ZNF43: variants seen among roughly 807,000 people sequenced by gnomAD.
ZNF43 encodes zinc finger protein 39-like 1 (KOX 27).
ZNF43 carries 44 observed loss-of-function variants against 68.4 expected under a neutral mutation model. The observed-to-expected ratio is 0.64, with a 90% CI of 0.51 to 0.83. The LOEUF is 0.83. Ranked by LOEUF, ZNF43 falls within the 40% of genes least tolerant of loss-of-function variation. ZNF43 has a pLI of 0.00. For missense variants in ZNF43, 896 were observed against 933.2 expected, an observed-to-expected ratio of 0.96 and a Z score of 0.52; for synonymous variants, 308 against 307.8, an observed-to-expected ratio of 1.00 and a Z score of -0.01.
intron 1 of ZNF43, chr19:21,851,819 A>C: frequency 7.0e-7 from 1 of 1,421,956 alleles, no homozygotes; most frequent in South Asian, 1.3e-5. Flanking sequence ...AGCGACCAGG[A>C]CTCAGGAGCG....
chr19:21,832,648 C>T (rs1172101159), intron 1 of ZNF43, among the ~76,000 whole-genome samples: 2 of 152,166 alleles, frequency 1.3e-5, no homozygotes, highest in Non-Finnish European at 2.9e-5. Context: ...AGGCAGATAA[C>T]AAGGTCAGGA....
At position 21,809,569 on chromosome 19, in the gene ZNF43, A is replaced by G. The variant is rs775032313; in HGVS notation, c.468T>C (p.His156=). 2.5e-6 allele frequency: 4 copies of G among 1,611,678 alleles called. No individual in the cohort carries two copies. Among genetic ancestry groups the G allele is most frequent in the Non-Finnish European group, 3.4e-6 (4 of 1,179,148 alleles). Reference sequence around the variant, plus strand: ...TATGTCTGTTTGAATTTGAAAATTTATGAAAGGCTTTCACACATTTATCAA... The same window carrying G: ...TATGTCTGTTTGAATTTGAAAATTTGTGAAAGGCTTTCACACATTTATCAA... The part of the protein sequence containing the change: ...FLFDKCVKAF[H]KFSNSNRHKI... Residue 156 remains histidine (H), a synonymous_variant, in exon 4 of 4, where the codon CAT becomes CAC. Coordinates refer to ENST00000354959, the MANE Select transcript of ZNF43 (RefSeq NM_003423.4).
chr19:21,837,125 T>A (rs1599531376), upstream of ZNF43, among the ~76,000 whole-genome samples: 1 of 152,122 alleles, frequency 6.6e-6, no homozygotes, highest in East Asian at 1.9e-4. Flanking sequence ...CATAAGAAAT[T>A]CAAAACAAGA....
chr19:21,831,289 C>A (rs1568375424), intron 1 of ZNF43, among the ~76,000 whole-genome samples: 1 of 152,280 alleles, frequency 6.6e-6, no homozygotes, highest in East Asian at 1.9e-4. Context: ...AGTCAGACTA[C>A]TCTTGTTTGC....
In ZNF43 at chr19:21,808,389, A is replaced by T; in HGVS notation, c.1648T>A (p.Phe550Ile). Residue 550 changes from phenylalanine (F) to isoleucine (I), a missense_variant, in exon 4 of 4, where the codon TTC becomes ATC. Transcript: ENST00000354959. ...CTCTTATGTTTGGTAAGGATTGAGAAATGGTTAAAAGCTTTGCCACATTCT... is the reference window on the plus strand; with the variant it reads ...CTCTTATGTTTGGTAAGGATTGAGATATGGTTAAAAGCTTTGCCACATTCT... ...CEECGKAFNH[F>I]SILTKHKRIH... 6.2e-7 allele frequency: 1 copy of T among 1,612,428 alleles called. No homozygotes were observed. Among genetic ancestry groups the T allele is most frequent in the Non-Finnish European group, 8.5e-7 (1 of 1,179,654 alleles).
chr19:21,843,184 C>T (rs966303000), intron 1 of ZNF43: 4 of 163,704 alleles, frequency 2.4e-5, no homozygotes, highest in South Asian at 2.0e-4. Context: ...ATGCCCTCTG[C>T]GACAGCACCA....
chr19:21,838,399 ATTT>A (rs11397819), upstream of ZNF43, among the ~76,000 whole-genome samples: 3 of 132,542 alleles, frequency 2.3e-5, no homozygotes, highest in African/African-American at 8.4e-5. Flanking sequence ...CCCATTCTAA[ATTT>A]TTTTTTTTTT....
At chr19:21,829,533 A>G (rs987300633) in intron 1 of ZNF43, among the ~76,000 whole-genome samples, 2 of 152,238 alleles carry the variant, frequency 1.3e-5, no homozygotes, top group African/African-American at 4.8e-5. Context: ...TCCCAAATCA[A>G]GGATAAGCAA....
intron 3 of ZNF43, among the ~76,000 whole-genome samples, chr19:21,811,288 T>A (rs1466159587): frequency 1.3e-5 from 2 of 152,018 alleles, no homozygotes; most frequent in African/African-American, 2.4e-5. Context: ...TCCTAGCACT[T>A]TGGGAGGCCA....
chr19:21,832,528 A>G (rs1005768864), intron 1 of ZNF43, among the ~76,000 whole-genome samples: 2 of 152,186 alleles, frequency 1.3e-5, no homozygotes, highest in African/African-American at 2.4e-5. Flanking sequence ...AAATTGACAA[A>G]TGGGACCTAA....
chr19:21,813,890 A>T (rs1314397367), intron 3 of ZNF43, among the ~76,000 whole-genome samples: 1 of 152,062 alleles, frequency 6.6e-6, no homozygotes, highest in Non-Finnish European at 1.5e-5. Flanking sequence ...AATCTCCCAA[A>T]AAGCTTGTAC....
chr19:21,819,013 A>G (rs1568359991), intron 2 of ZNF43, 82 bp downstream of exon 2: 6 of 1,531,620 alleles, frequency 3.9e-6, no homozygotes, highest in Admixed American at 2.3e-5. Flanking sequence ...GCAAAGTATA[A>G]ATTACCAAAA....
chr19:21,833,949 C>T (rs1307106314), intron 1 of ZNF43, among the ~76,000 whole-genome samples: 1 of 151,850 alleles, frequency 6.6e-6, no homozygotes, highest in Non-Finnish European at 1.5e-5. Context: ...ATCGCTTGAA[C>T]CCAGGAGGCA....
rs934865561 is a variant in ZNF43, at chr19:21,836,121, C to T, written c.-83G>A. The T allele has an allele frequency of 1.9e-6, 3 of 1,607,886 alleles. No homozygotes were observed. In the African/African-American group the frequency reaches 4.0e-5, roughly 21 times the overall value. The stretch of plus-strand genomic sequence containing the variant: ...TCACAGAGCCACAGAGGCTGGACCT[C>T]TAGCAGCAGAGGACACAGAAGAACG... On this transcript the variant is annotated 5_prime_UTR_variant, in exon 1 of 4. Transcript: ENST00000354959.
chr19:21,815,524 T>C (rs981735236), intron 3 of ZNF43, among the ~76,000 whole-genome samples: 6 of 149,074 alleles, frequency 4.0e-5, no homozygotes, highest in Non-Finnish European at 7.4e-5. Context: ...AGAATACGGT[T>C]ACAGCCTCTG....
intron 3 of ZNF43, among the ~76,000 whole-genome samples, chr19:21,815,993 G>A (rs574967651): frequency 6.6e-6 from 1 of 151,992 alleles, no homozygotes; most frequent in South Asian, 2.1e-4. Context: ...ACTGGGAAGT[G>A]GAGGTTGCAA....
At chr19:21,823,736 T>A (rs111670572) in intron 1 of ZNF43, among the ~76,000 whole-genome samples, 31 of 152,124 alleles carry the variant, frequency 2.0e-4, no homozygotes, top group African/African-American at 7.0e-4. Context: ...CCTGGCTAAT[T>A]TTTTTTGTAT....
Position 21,817,845 on chromosome 19 carries a change from C to T in ZNF43, c.229+43G>A, listed in dbSNP as rs769904215. 6.4e-6 allele frequency: 10 copies of T among 1,572,870 alleles called. No homozygotes were observed. In the South Asian group the frequency reaches 1.0e-4, roughly 16 times the overall value. ...ACTGGCTTTCCCCTTAACCTTTGGACTTCTCATCTGTGTTTGTTGTATTCA... is the reference window on the plus strand; with the variant it reads ...ACTGGCTTTCCCCTTAACCTTTGGATTTCTCATCTGTGTTTGTTGTATTCA... On this transcript the variant is annotated intron_variant, in intron 3 of 3. Coordinates refer to ENST00000354959, the MANE Select transcript of ZNF43 (RefSeq NM_003423.4).
rs551226809 is a variant in ZNF43 at position 21,829,032 on chromosome 19, CAAAAAAAAAAAAA to C, written c.3+6991_3+7003del. Among the ~76,000 whole-genome samples, 180 of 38,814 alleles carry C rather than the reference CAAAAAAAAAAAAA, an allele frequency of 4.6e-3. 2 individuals carry two copies. The highest frequency in any genetic ancestry group is 0.011 in the Admixed American group (21 of 1,912). 25.5% of individuals were successfully genotyped at this position (38,814 alleles called of 152,430 possible). ...TGGGCGAAAGAGAGAGACTCTGTCTCAAAAAAAAAAAAAAAAAAAAAAAAAAAAAAAAATTAGC... is the reference window on the plus strand; with the variant it reads ...TGGGCGAAAGAGAGAGACTCTGTCTCAAAAAAAAAAAAAAAAAAAATTAGC... On this transcript the variant is annotated intron_variant, in intron 1 of 3. Coordinates refer to ENST00000354959, the MANE Select transcript of ZNF43 (RefSeq NM_003423.4).
Sources: allele counts gnomAD v4.1 joint callset (sites outside exome capture counted in the v4.1 genomes callset), GRCh38; gene constraint gnomAD v4.1.1; transcripts MANE v1.5; gene names NCBI Gene and HGNC (gene_info 2026-07-23, HGNC 2026-07-21).